The following RHOBTB2 variants were observed in gnomAD, a reference collection of about 807,000 sequenced individuals.
RHOBTB2 encodes the protein Rho related BTB domain containing 2.
Under a neutral mutation model 66.5 loss-of-function variants are expected in RHOBTB2, and 39 were observed. That is an observed-to-expected ratio of 0.59 (90% CI 0.45 to 0.77). The LOEUF is 0.77. Among genes scored for constraint, RHOBTB2 ranks in the 30% least tolerant of loss-of-function variants. The pLI, the probability that RHOBTB2 is intolerant of heterozygous loss-of-function variation, is 0.00. For synonymous variants in RHOBTB2, 390 were observed against 395.0 expected, an observed-to-expected ratio of 0.99 and a Z score of 0.15; for missense variants, 755 against 999.1, an observed-to-expected ratio of 0.76 and a Z score of 3.29.
Position 23,008,010 on chromosome 8 carries a change from G to GA in RHOBTB2, c.1520dup (p.Asp507GlufsTer2), listed in dbSNP as rs1248274732. 6.2e-7 allele frequency: 1 copy of GA among 1,613,770 alleles called. No individual in the cohort carries two copies. Among genetic ancestry groups the GA allele is most frequent in the African/African-American group, 1.3e-5 (1 of 74,902 alleles). On this transcript the variant is annotated frameshift_variant, in exon 6 of 10. Coordinates refer to ENST00000251822, the MANE Select transcript of RHOBTB2 (RefSeq NM_015178.3). LOFTEE classifies it high-confidence loss of function. The stretch of plus-strand genomic sequence containing the variant: ...CTGGACAGATGTGACCTTCATCCTG[G>GA]ATGATGGCACCATCAGCGCCCACAA...
At chr8:22,981,477 G>A in the RHOBTB2 span, among the ~76,000 whole-genome samples, 104 of 152,338 alleles carry the variant, frequency 6.8e-4, no homozygotes, top group African/African-American at 2.5e-3. Context: ...GCCAGGGCAG[G>A]CCCCTCTAGA....
rs926196290 is a variant in RHOBTB2, at chr8:23,004,306, T to G, written c.-10-119T>G. 2.4e-6 allele frequency: 2 copies of G among 837,256 alleles called. No homozygotes were observed. The highest frequency in any genetic ancestry group is 2.6e-5 in the East Asian group (1 of 38,408). The allele number at this position is 837,256 out of a possible 1,614,324, so 51.9% of individuals were successfully genotyped here. ...AACGTTGCCCACTCCTTCCTCCTCC[T>G]GTCAGCTCCGGGGCTTGCAGAGGGG... On this transcript the variant is annotated intron_variant, in intron 1 of 9. Coordinates refer to ENST00000251822, the MANE Select transcript of RHOBTB2 (RefSeq NM_015178.3). This position sits in a 1 kb window ranked among gnomAD's most constrained non-coding sequence, Gnocchi z 6.4.
At position 23,017,197 on chromosome 8, in the gene RHOBTB2, G is replaced by A. The variant is rs1336523363; in HGVS notation, c.1967-55G>A. 14 of 1,601,964 alleles carry A rather than the reference G, an allele frequency of 8.7e-6. No homozygotes were observed. The highest frequency in any genetic ancestry group is 5.0e-5 in the Admixed American group (3 of 59,588). On this transcript the variant is annotated intron_variant, in intron 9 of 9. Transcript: ENST00000251822. This position sits in a 1 kb window ranked among gnomAD's most constrained non-coding sequence, Gnocchi z 5.3. Reference sequence around the variant, plus strand: ...TGGTGGGGTAGGGCTGGTGTCCCACGTTCCTCTTGTCCCTCTGCCTCCTTT... The same window carrying A: ...TGGTGGGGTAGGGCTGGTGTCCCACATTCCTCTTGTCCCTCTGCCTCCTTT...
intron 1 of RHOBTB2, among the ~76,000 whole-genome samples, chr8:22,989,814 G>C (rs1173997514): frequency 1.3e-5 from 2 of 152,210 alleles, no homozygotes; most frequent in Non-Finnish European, 2.9e-5. Flanking sequence ...TAGGGCAAGA[G>C]GCCTCAGGGC....
intron 1 of RHOBTB2, among the ~76,000 whole-genome samples, chr8:22,990,878 G>A (rs1262648038): frequency 2.6e-5 from 4 of 152,126 alleles, no homozygotes; most frequent in Non-Finnish European, 5.9e-5. Flanking sequence ...TCCAGTCCCT[G>A]CATCAGCTGC....
At chr8:22,979,788 T>G in the RHOBTB2 span, among the ~76,000 whole-genome samples, 20 of 134,122 alleles carry the variant, frequency 1.5e-4, no homozygotes, top group Non-Finnish European at 2.7e-4. Flanking sequence ...TGACAGAGTC[T>G]CACTCTGTCA....
At chr8:22,963,445 TATA>T in the RHOBTB2 span, among the ~76,000 whole-genome samples, 1 of 151,982 alleles carries the variant, frequency 6.6e-6, no homozygotes, top group Non-Finnish European at 1.5e-5. Flanking sequence ...TGCTATAAAA[TATA>T]ATTTCACATT....
the RHOBTB2 span, among the ~76,000 whole-genome samples, chr8:22,960,517 C>T: frequency 0.021 from 3,126 of 152,126 alleles, 90 homozygotes; most frequent in African/African-American, 0.06. Context: ...TGGGGTTTCA[C>T]CATGTTGGCC....
chr8:22,964,049 G>A, the RHOBTB2 span, among the ~76,000 whole-genome samples: 1 of 152,094 alleles, frequency 6.6e-6, no homozygotes, highest in Non-Finnish European at 1.5e-5. Flanking sequence ...CCAAAGTGCT[G>A]GGATTACAAG....
rs753528816 is a variant in RHOBTB2, at chr8:23,010,548, C to T, written c.1631C>T (p.Pro544Leu). The change falls in exon 7 of 10, where the codon CCC becomes CTC. Residue 544 changes from proline (P) to leucine (L), a missense_variant. By Grantham distance (98) the Pro-to-Leu change is moderately conservative (BLOSUM62 -3). Coordinates refer to ENST00000251822, the MANE Select transcript of RHOBTB2 (RefSeq NM_015178.3). The stretch of plus-strand genomic sequence containing the variant: ...TCCTTCCCTCCCCAGGTGGTGTTTC[C>T]CTACACAAGCAAGAGCTGCATGCGG... Reference protein sequence around the residue: ...VESSTREVVFPYTSKSCMRAV... With the variant: ...VESSTREVVFLYTSKSCMRAV... The T allele has an allele frequency of 3.1e-6, 5 of 1,613,450 alleles. No individual in the cohort carries two copies. The South Asian group carries it at 3.3e-5, about 11-fold the overall frequency.
the RHOBTB2 span, among the ~76,000 whole-genome samples, chr8:22,973,063 C>T: frequency 2.0e-5 from 3 of 149,226 alleles, no homozygotes; most frequent in Admixed American, 1.3e-4. Flanking sequence ...CTCAACCTTG[C>T]TGCCTGTTCT....
At chr8:22,960,016 A>T in the RHOBTB2 span, among the ~76,000 whole-genome samples, 1 of 149,612 alleles carries the variant, frequency 6.7e-6, no homozygotes, top group Admixed American at 6.7e-5. Flanking sequence ...AAAAAAAAAA[A>T]AAAAATACAA....
chr8:22,973,905 C>A, the RHOBTB2 span, among the ~76,000 whole-genome samples: 1 of 152,168 alleles, frequency 6.6e-6, no homozygotes, highest in Non-Finnish European at 1.5e-5. Flanking sequence ...AGCCCATCAA[C>A]CTCACCACCC....
At chr8:22,978,728 T>G in the RHOBTB2 span, among the ~76,000 whole-genome samples, 3 of 152,118 alleles carry the variant, frequency 2.0e-5, no homozygotes, top group Non-Finnish European at 4.4e-5. Context: ...GCATGTTCAT[T>G]GACTGTATTT....
chr8:23,017,248 C>G lies in RHOBTB2; in HGVS notation c.1967-4C>G, dbSNP rs938468797. 3 of 1,614,070 alleles carry G rather than the reference C, an allele frequency of 1.9e-6. No individual in the cohort carries two copies. In the African/African-American group the frequency reaches 4.0e-5, roughly 22 times the overall value. ...CTAACCAAGCTGCCTGCTCTCTGCT[C>G]CAGAAAACCAGGAGTATTTCGAGAA... On this transcript the variant is annotated splice_polypyrimidine_tract_variant and splice_region_variant and intron_variant, in intron 9 of 9. Coordinates refer to ENST00000251822, the MANE Select transcript of RHOBTB2 (RefSeq NM_015178.3). The surrounding 1 kb of genome is among the most constrained non-coding windows in gnomAD (Gnocchi z 5.3).
Position 23,006,482 on chromosome 8 carries a change from C to A in RHOBTB2, c.483-246C>A. On this transcript the variant is annotated intron_variant, in intron 4 of 9. Coordinates refer to ENST00000251822, the MANE Select transcript of RHOBTB2 (RefSeq NM_015178.3). The surrounding 1 kb of genome is among the most constrained non-coding windows in gnomAD (Gnocchi z 6.1). Reference sequence around the variant, plus strand: ...CATTGCCTGCTAATTGCCAGAGAGGCAGTGCTGTCACGGCTTTGTACTGGG... The same window carrying A: ...CATTGCCTGCTAATTGCCAGAGAGGAAGTGCTGTCACGGCTTTGTACTGGG... The A allele has an allele frequency of 1.8e-6, 1 of 565,642 alleles. No individual in the cohort carries two copies. The highest frequency in any genetic ancestry group is 2.8e-5 in the East Asian group (1 of 35,234). The allele number at this position is 565,642 out of a possible 1,614,324, so 35.0% of individuals were successfully genotyped here. A position where few individuals can be genotyped will look rare whatever the true frequency, so the allele number is the denominator to read the frequency against.
chr8:22,967,388 C>G, the RHOBTB2 span, among the ~76,000 whole-genome samples: 2 of 152,044 alleles, frequency 1.3e-5, no homozygotes, highest in African/African-American at 4.8e-5. Flanking sequence ...GCGGGTGGAT[C>G]ACCTGAGGTC....
Position 23,006,395 on chromosome 8 carries a change from A to T in RHOBTB2, c.482+250A>T. 1.8e-6 allele frequency: 1 copy of T among 554,786 alleles called. No homozygotes were observed. The highest frequency in any genetic ancestry group is 3.2e-6 in the Non-Finnish European group (1 of 313,154). 34.4% of individuals were successfully genotyped at this position (554,786 alleles called of 1,614,324 possible). ...GGAAGAGGTGATATTTGCATGAAAA[A>T]GTCCTATAATTTTGCTGAGGGATAA... On this transcript the variant is annotated intron_variant, in intron 4 of 9. Coordinates refer to ENST00000251822, the MANE Select transcript of RHOBTB2 (RefSeq NM_015178.3). The surrounding 1 kb of genome is among the most constrained non-coding windows in gnomAD (Gnocchi z 6.1).
the RHOBTB2 span, among the ~76,000 whole-genome samples, chr8:22,953,901 A>G: frequency 2.0e-5 from 3 of 152,202 alleles, no homozygotes; most frequent in African/African-American, 7.2e-5. Flanking sequence ...TGCCAGATGT[A>G]CAAGGCTGCC....
Sources: allele counts gnomAD v4.1 joint callset (sites outside exome capture counted in the v4.1 genomes callset), GRCh38; gene constraint gnomAD v4.1.1; non-coding constraint Gnocchi (gnomAD v3.1); transcripts MANE v1.5; gene names NCBI Gene and HGNC (gene_info 2026-07-23, HGNC 2026-07-21).